Variants in C2CD5 observed in about 807,000 individuals in gnomAD.
C2CD5 encodes the protein C2 calcium dependent domain containing 5.
Under a neutral mutation model 130.3 loss-of-function variants are expected in C2CD5, and 109 were observed. That is an observed-to-expected ratio of 0.84 (90% confidence interval 0.72 to 0.98). The LOEUF (loss-of-function observed/expected upper bound fraction) is 0.98. Ranked by LOEUF, C2CD5 falls within the 50% of genes least tolerant of loss-of-function variation. The pLI is 0.00. For synonymous variants in C2CD5, 454 were observed against 429.2 expected, an observed-to-expected ratio of 1.06 and a Z score of -0.71; for missense variants, 996 against 1,261.8, an observed-to-expected ratio of 0.79 and a Z score of 3.19.
chr12:22,467,912 T>C (rs1225814693), intron 22 of C2CD5, among the ~76,000 whole-genome samples: 2 of 152,204 alleles, frequency 1.3e-5, no homozygotes, highest in African/African-American at 2.4e-5. Flanking sequence ...GTTGTCCTTA[T>C]AGACAAGGCA....
chr12:22,537,894 T>C (rs1259471562), intron 2 of C2CD5, among the ~76,000 whole-genome samples: 3 of 152,200 alleles, frequency 2.0e-5, no homozygotes, highest in Non-Finnish European at 2.9e-5. Flanking sequence ...TTTCCATTAA[T>C]ACTTCGCTTG....
intron 9 of C2CD5, chr12:22,512,701 A>T (rs1269071564): frequency 2.2e-6 from 3 of 1,390,854 alleles, no homozygotes; most frequent in Admixed American, 2.6e-5. Flanking sequence ...AGTTTATTTA[A>T]AAAAAAAAAA....
In C2CD5 at chr12:22,514,455, G is replaced by A. The variant is rs546975598; in HGVS notation, c.953-1076C>T. ...GATCTTTATACGAAGCATATTAAAA[G>A]CCAGAAAATAAAATGTAAATTTGTA... On this transcript the variant is annotated intron_variant, in intron 8 of 26. Transcript: ENST00000446597. Among the ~76,000 whole-genome samples, 3 of 152,074 alleles carry A rather than the reference G, an allele frequency of 2.0e-5. 1 individual carries two copies. Among genetic ancestry groups the A allele is most frequent in the African/African-American group, 7.2e-5 (3 of 41,514 alleles).
chr12:22,484,534 G>GT (rs111446465), intron 13 of C2CD5, 163 bp downstream of exon 13: 20,767 of 350,134 alleles, frequency 0.059, 2,559 homozygotes, highest in African/African-American at 0.35. Context: ...TACACAGAGG[G>GT]TTTTTTTTTT....
intron 12 of C2CD5, among the ~76,000 whole-genome samples, chr12:22,488,720 C>T (rs925289017): frequency 2.0e-5 from 3 of 152,036 alleles, no homozygotes; most frequent in African/African-American, 4.8e-5. Context: ...TTTACAATGA[C>T]CTTTAAGGCT....
At chr12:22,512,456 G>A (rs1340774505) in intron 9 of C2CD5, among the ~76,000 whole-genome samples, 1 of 150,826 alleles carries the variant, frequency 6.6e-6, no homozygotes, top group Admixed American at 6.6e-5. Flanking sequence ...TATATAACAT[G>A]CACCATATTA....
chr12:22,524,934 T>A (rs976144978), intron 5 of C2CD5, among the ~76,000 whole-genome samples: 5 of 149,870 alleles, frequency 3.3e-5, no homozygotes, highest in African/African-American at 1.3e-4. Flanking sequence ...GTTTAAAAAA[T>A]CAAAATTTAA....
At chr12:22,535,021 A>G (rs745536073) in intron 3 of C2CD5, 1 of 311,672 alleles carries the variant, frequency 3.2e-6, no homozygotes, top group Non-Finnish European at 5.8e-6. Context: ...GAAAACTACA[A>G]TAATAATAAT....
chr12:22,455,916 C>T lies in C2CD5; in HGVS notation c.2877+1055G>A, dbSNP rs1044777038. The stretch of plus-strand genomic sequence containing the variant: ...GTCAGGCTGGTCTCAAACTGCTGGC[C>T]TCAAGCAATCTACCCGCCTCAGCCT... On this transcript the variant is annotated intron_variant, in intron 25 of 26. Coordinates refer to ENST00000446597, the MANE Select transcript of C2CD5 (RefSeq NM_001286176.2). 3.3e-5 allele frequency among the ~76,000 whole-genome samples: 5 copies of T among 152,250 alleles called. No individual in the cohort carries two copies. The South Asian group carries it at 6.2e-4, about 19-fold the overall frequency.
At chr12:22,487,628 G>A (rs1411867374) in intron 12 of C2CD5, among the ~76,000 whole-genome samples, 1 of 152,042 alleles carries the variant, frequency 6.6e-6, no homozygotes, top group Non-Finnish European at 1.5e-5. Flanking sequence ...TTCAACCATT[G>A]TGGAAGTCAG....
intron 10 of C2CD5, among the ~76,000 whole-genome samples, chr12:22,503,341 C>T (rs11046448): frequency 0.16 from 24,217 of 152,048 alleles, 3,836 homozygotes; most frequent in African/African-American, 0.41. Flanking sequence ...ATCATCATTA[C>T]GGTAGATGTT....
chr12:22,496,592 T>G (rs1042473490), intron 10 of C2CD5, among the ~76,000 whole-genome samples: 4 of 151,312 alleles, frequency 2.6e-5, no homozygotes, highest in Non-Finnish European at 5.9e-5. Context: ...CTTCTGATAA[T>G]CTACAGAATT....
rs1161310524 is a variant in C2CD5, at chr12:22,469,745, C to T, written c.2497G>A (p.Asp833Asn). Residue 833 changes from aspartate to asparagine, a missense_variant, in exon 22 of 27, where the codon GAT becomes AAT. Physicochemically the swap from Asp to Asn is conservative, Grantham distance 23 (BLOSUM62 1). This residue lies in a region of C2CD5 where 590 missense variants were observed against 631.4 expected (regional missense o/e 0.93). Transcript: ENST00000446597. ...GGAAAAGGATGAGAAGGAAGTGAAT[C>T]TGAACACAGTTCCAGTGGAAATTGT... ...LLQFPLELCS[D>N]SLPSHPFPPA... The T allele has an allele frequency of 1.2e-5, 20 of 1,606,072 alleles. No homozygotes were observed. In the Admixed American group the frequency reaches 3.4e-4, roughly 27 times the overall value.
intron 16 of C2CD5, 56 bp downstream of exon 16, chr12:22,474,695 A>G (rs999500144): frequency 7.3e-7 from 1 of 1,362,448 alleles, no homozygotes; most frequent in Non-Finnish European, 9.9e-7. Context: ...AGCACGTGAA[A>G]AAATGTGTAT....
chr12:22,514,246 AC>A (rs1445179044), intron 8 of C2CD5, among the ~76,000 whole-genome samples: 4 of 152,194 alleles, frequency 2.6e-5, no homozygotes, highest in Non-Finnish European at 5.9e-5. Flanking sequence ...AGCCAAATTT[AC>A]CACAACGACT....
At chr12:22,519,016 A>C in intron 7 of C2CD5, 1 of 1,048,088 alleles carries the variant, frequency 9.5e-7, no homozygotes, top group South Asian at 1.9e-5. Context: ...TGAAGCAAAG[A>C]TTTATGGTAC....
At chr12:22,460,854 C>T (rs1403188594) in intron 22 of C2CD5, among the ~76,000 whole-genome samples, 1 of 152,174 alleles carries the variant, frequency 6.6e-6, no homozygotes, top group Non-Finnish European at 1.5e-5. Context: ...GGTGGGATTG[C>T]AGGTATGAGC....
At chr12:22,482,983 A>G (rs1264623071) in intron 13 of C2CD5, among the ~76,000 whole-genome samples, 1 of 152,188 alleles carries the variant, frequency 6.6e-6, no homozygotes, top group East Asian at 1.9e-4. Context: ...TTGATAGCAC[A>G]ACAGGGTATC....
chr12:22,493,378 C>T, intron 10 of C2CD5, 41 bp from the exon 11 acceptor site: 1 of 1,011,400 alleles, frequency 9.9e-7, no homozygotes, highest in Non-Finnish European at 1.6e-6. Flanking sequence ...CTCAATAGCA[C>T]ATTATATATA....
Sources: allele counts gnomAD v4.1 joint callset (sites outside exome capture counted in the v4.1 genomes callset), GRCh38; gene constraint gnomAD v4.1.1; regional missense constraint gnomAD v4.1.1; transcripts MANE v1.5; gene names NCBI Gene and HGNC (gene_info 2026-07-23, HGNC 2026-07-21).